Variants in SIPA1L1 observed in about 807,000 individuals in gnomAD.
SIPA1L1 encodes signal-induced proliferation-associated 1-like protein 1.
In SIPA1L1, 26 loss-of-function variants were observed where a neutral mutation model predicts 162.7. The observed-to-expected ratio is 0.16, with a 90% CI of 0.12 to 0.22. The LOEUF (loss-of-function observed/expected upper bound fraction) is 0.22, where lower values mean the gene tolerates loss of function less well. Among genes scored for constraint, SIPA1L1 ranks in the 10% least tolerant of loss-of-function variants. The probability of loss-of-function intolerance (pLI) is 1.00; values close to 1 mark genes in which losing one functional copy is unlikely to be tolerated. For synonymous variants in SIPA1L1, 829 were observed against 837.4 expected, an observed-to-expected ratio of 0.99 and a Z score of 0.17; for missense variants, 1,874 against 2,241.0, an observed-to-expected ratio of 0.84 and a Z score of 3.31.
chr14:71,578,205 G>A (rs1401305465), intron 4 of SIPA1L1, among the ~76,000 whole-genome samples: 1 of 152,088 alleles, frequency 6.6e-6, no homozygotes, highest in Non-Finnish European at 1.5e-5. Flanking sequence ...CACTGCTCCC[G>A]GACTTTTTAT....
Position 71,685,488 on chromosome 14 carries a change from T to C in SIPA1L1, c.3231T>C (p.His1077=). ...KWQRNASKGP[H]SPQVPSQVQS... ...AGAGGAACGCCAGCAAGGGGCCTCA[T>C]TCACCTCAAGTCCCGTCCCAGGTGC... The change falls in exon 13 of 24, where the codon CAT becomes CAC. Residue 1077 remains histidine (H), a synonymous_variant. Transcript: ENST00000381232. 1 of 1,614,192 alleles carries C rather than the reference T, an allele frequency of 6.2e-7. No individual in the cohort carries two copies. The highest frequency in any genetic ancestry group is 8.5e-7 in the Non-Finnish European group (1 of 1,180,040).
chr14:71,466,105 A>G (rs1020991805), intron 2 of SIPA1L1, among the ~76,000 whole-genome samples: 1 of 152,214 alleles, frequency 6.6e-6, no homozygotes, highest in African/African-American at 2.4e-5. Context: ...GTTGACACTC[A>G]GTATTAACCA....
chr14:71,626,671 T>C (rs1459620058), intron 7 of SIPA1L1, among the ~76,000 whole-genome samples: 1 of 152,186 alleles, frequency 6.6e-6, no homozygotes, highest in African/African-American at 2.4e-5. Context: ...CAGCTTTGTG[T>C]GTCGTTATAT....
chr14:71,495,531 T>G (rs2049677913), intron 2 of SIPA1L1, among the ~76,000 whole-genome samples: 1 of 151,822 alleles, frequency 6.6e-6, no homozygotes, highest in South Asian at 2.1e-4. Flanking sequence ...TCTTTTTTTC[T>G]TGGTCAATCT....
At chr14:71,543,888 T>C (rs2054743905) in intron 4 of SIPA1L1, among the ~76,000 whole-genome samples, 2 of 113,620 alleles carry the variant, frequency 1.8e-5, no homozygotes, top group African/African-American at 6.5e-5. Flanking sequence ...TATATACATA[T>C]ATCATACGTA....
chr14:71,485,300 G>A (rs551138437), intron 2 of SIPA1L1, among the ~76,000 whole-genome samples: 8 of 152,296 alleles, frequency 5.3e-5, no homozygotes, highest in Admixed American at 3.3e-4. Context: ...CCCGGACCAC[G>A]GACCAGTACC....
intron 2 of SIPA1L1, among the ~76,000 whole-genome samples, chr14:71,394,825 A>G (rs1445655041): frequency 6.6e-6 from 1 of 152,264 alleles, no homozygotes; most frequent in African/African-American, 2.4e-5. Flanking sequence ...ATAAGCAGTA[A>G]GGAGAAGGAT....
At chr14:71,460,865 T>G (rs2046549643) in intron 2 of SIPA1L1, among the ~76,000 whole-genome samples, 2 of 152,144 alleles carry the variant, frequency 1.3e-5, no homozygotes, top group African/African-American at 2.4e-5. Context: ...CTCTACAAAG[T>G]ATTGTCAGCT....
chr14:71,505,488 A>G (rs1481463369), intron 2 of SIPA1L1, among the ~76,000 whole-genome samples: 1 of 147,454 alleles, frequency 6.8e-6, no homozygotes, highest in African/African-American at 2.5e-5. Flanking sequence ...TTATCCCATG[A>G]TGCCTAGATT....
intron 7 of SIPA1L1, among the ~76,000 whole-genome samples, chr14:71,649,164 A>G (rs1237256669): frequency 1.3e-5 from 2 of 151,298 alleles, no homozygotes; most frequent in South Asian, 2.1e-4. Flanking sequence ...AATTGTCCCA[A>G]TGTCATTGGA....
chr14:71,677,097 A>G (rs749856655), intron 12 of SIPA1L1, among the ~76,000 whole-genome samples: 1 of 152,242 alleles, frequency 6.6e-6, no homozygotes, highest in Non-Finnish European at 1.5e-5. Context: ...CCAACAGTGT[A>G]AAAGTGTTCC....
intron 2 of SIPA1L1, among the ~76,000 whole-genome samples, chr14:71,452,169 C>A (rs1188394737): frequency 6.6e-6 from 1 of 151,566 alleles, no homozygotes; most frequent in African/African-American, 2.4e-5. Context: ...ACAGGAAACC[C>A]CCCCCTCATG....
intron 2 of SIPA1L1, among the ~76,000 whole-genome samples, chr14:71,404,717 G>T (rs774038427): frequency 3.3e-5 from 5 of 152,168 alleles, no homozygotes; most frequent in Non-Finnish European, 7.3e-5. Context: ...GCATTGCAAG[G>T]CCGTCCATTT....
chr14:71,715,642 A>G (rs1199307983), intron 17 of SIPA1L1, among the ~76,000 whole-genome samples: 1 of 152,224 alleles, frequency 6.6e-6, no homozygotes, highest in East Asian at 1.9e-4. Context: ...AATGTATTGC[A>G]AACTGTAAAT....
At chr14:71,500,936 G>T (rs2050159290) in intron 2 of SIPA1L1, among the ~76,000 whole-genome samples, 1 of 152,196 alleles carries the variant, frequency 6.6e-6, no homozygotes, top group Non-Finnish European at 1.5e-5. Context: ...AACCCGGGAG[G>T]CAGAGGTTGC....
Position 71,693,112 on chromosome 14 carries a change from C to T in SIPA1L1, c.3375-5869C>T, listed in dbSNP as rs150361260. ...AAATTTCAATTTTTTTTTAATTTTG[C>T]GCATATTTGCATTGATCCTATTGGT... On this transcript the variant is annotated intron_variant, in intron 13 of 23. Coordinates refer to ENST00000381232, the MANE Select transcript of SIPA1L1 (RefSeq NM_001386936.1). 1.2e-4 allele frequency among the ~76,000 whole-genome samples: 18 copies of T among 152,178 alleles called. No individual in the cohort carries two copies. In the South Asian group the frequency reaches 1.2e-3, roughly 11 times the overall value.
At chr14:71,666,367 A>G (rs1468401534) in intron 10 of SIPA1L1, among the ~76,000 whole-genome samples, 1 of 152,234 alleles carries the variant, frequency 6.6e-6, no homozygotes, top group African/African-American at 2.4e-5. Flanking sequence ...GGGAATCTAC[A>G]GAATAAAACA....
chr14:71,690,420 A>AT (rs924968718), intron 13 of SIPA1L1, among the ~76,000 whole-genome samples: 13 of 151,744 alleles, frequency 8.6e-5, no homozygotes, highest in African/African-American at 2.9e-4. Context: ...TTTTGAAATG[A>AT]TTTTTTTTAT....
At chr14:71,558,231 G>A (rs2056505871) in intron 4 of SIPA1L1, among the ~76,000 whole-genome samples, 3 of 152,072 alleles carry the variant, frequency 2.0e-5, no homozygotes. Flanking sequence ...GAATATCAGG[G>A]CACGGACTTA....
Sources: gnomAD v4.1 joint callset for allele counts (sites outside exome capture counted in the v4.1 genomes callset) on GRCh38, gnomAD v4.1.1 for gene constraint, MANE v1.5 for transcripts, NCBI Gene and HGNC (gene_info 2026-07-23, HGNC 2026-07-21) for gene names.